Variants in STK39 observed in about 807,000 individuals in gnomAD.
The protein encoded by STK39 is serine/threonine kinase 39, also known as STE20/SPS1-related proline-alanine-rich protein kinase.
In STK39, 20 loss-of-function variants were observed where a neutral mutation model predicts 77.8. The ratio of observed to expected loss-of-function variants is 0.26; its 90% CI spans 0.18 to 0.37. STK39 has a LOEUF of 0.37. Ranked by LOEUF, STK39 falls within the 10% of genes least tolerant of loss-of-function variation. The pLI is 1.00. For synonymous variants in STK39, 246 were observed against 234.1 expected (o/e 1.05, Z -0.47); for missense variants, 479 against 656.5 (o/e 0.73, Z 2.95).
intron 5 of STK39, among the ~76,000 whole-genome samples, chr2:168,145,965 T>C (rs137876297): frequency 2.4e-3 from 360 of 152,322 alleles, no homozygotes; most frequent in African/African-American, 8.2e-3. Flanking sequence ...TAAAGGTTCT[T>C]AGCACCAGAG....
intron 8 of STK39, among the ~76,000 whole-genome samples, chr2:168,131,757 C>T (rs1260137257): frequency 6.6e-6 from 1 of 152,114 alleles, no homozygotes; most frequent in Non-Finnish European, 1.5e-5. Context: ...GTTAAATAGG[C>T]CCTAGAACTA....
Position 167,954,330 on chromosome 2 carries a change from A to G in STK39, c.*1166T>C, listed in dbSNP as rs199809684. On this transcript the variant is annotated 3_prime_UTR_variant, in exon 18 of 18. Coordinates refer to ENST00000355999, the MANE Select transcript of STK39 (RefSeq NM_013233.3). ...CAAAATCCTAAGGTTTACTAGTTCC[A>G]TAATATACAGTCAAGCAGAGGGCTA... 1.8e-4 allele frequency: 27 copies of G among 152,606 alleles called. No homozygotes were observed. Among genetic ancestry groups the G allele is most frequent in the African/African-American group, 6.5e-4 (27 of 41,436 alleles). 9.5% of individuals were successfully genotyped at this position (152,606 alleles called of 1,614,324 possible). A position where few individuals can be genotyped will look rare whatever the true frequency, so the allele number is the denominator to read the frequency against.
chr2:168,069,318 T>C lies in STK39; in HGVS notation c.1243-3937A>G, dbSNP rs1685879436. On this transcript the variant is annotated intron_variant, in intron 12 of 17. Transcript: ENST00000355999. ...ATTAGTTTTCACATTGCATCTAATCTCTAATAAAATTAACTCAATTTAAAT... is the reference window on the plus strand; with the variant it reads ...ATTAGTTTTCACATTGCATCTAATCCCTAATAAAATTAACTCAATTTAAAT... 2.0e-5 allele frequency among the ~76,000 whole-genome samples: 3 copies of C among 152,332 alleles called. No homozygotes were observed. In the South Asian group the frequency reaches 6.2e-4, roughly 32 times the overall value.
chr2:168,000,650 G>C (rs1370445724), intron 16 of STK39, among the ~76,000 whole-genome samples: 1 of 152,228 alleles, frequency 6.6e-6, no homozygotes, highest in Non-Finnish European at 1.5e-5. Flanking sequence ...AGTCAGGGCA[G>C]TGGTTGAGAA....
intron 14 of STK39, among the ~76,000 whole-genome samples, chr2:168,040,636 G>A (rs980349304): frequency 6.6e-6 from 1 of 152,092 alleles, no homozygotes; most frequent in Non-Finnish European, 1.5e-5. Flanking sequence ...AGAATTTTAA[G>A]TGAAATATAG....
intron 10 of STK39, among the ~76,000 whole-genome samples, chr2:168,101,548 G>A (rs573108110): frequency 6.6e-6 from 1 of 152,096 alleles, no homozygotes; most frequent in Non-Finnish European, 1.5e-5. Flanking sequence ...GACCAGACTG[G>A]CCAACATGGT....
At chr2:168,160,804 G>A (rs1688550533) in intron 5 of STK39, among the ~76,000 whole-genome samples, 1 of 152,010 alleles carries the variant, frequency 6.6e-6, no homozygotes, top group Admixed American at 6.6e-5. Context: ...TTTAACTGAA[G>A]TACTTTTTCA....
intron 1 of STK39, among the ~76,000 whole-genome samples, chr2:168,220,958 G>A (rs1327364209): frequency 6.6e-6 from 1 of 152,134 alleles, no homozygotes; most frequent in Non-Finnish European, 1.5e-5. Flanking sequence ...TGCTGATCTA[G>A]GAGACAGAGT....
intron 1 of STK39, among the ~76,000 whole-genome samples, chr2:168,235,902 C>T (rs1312283555): frequency 2.0e-5 from 3 of 152,008 alleles, no homozygotes; most frequent in Admixed American, 1.3e-4. Flanking sequence ...GTGAATAGTG[C>T]CACAATAAAC....
At chr2:168,246,709 C>G (rs546603770) in intron 1 of STK39, among the ~76,000 whole-genome samples, 2 of 152,290 alleles carry the variant, frequency 1.3e-5, no homozygotes, top group African/African-American at 4.8e-5. Flanking sequence ...TCCGCGGCTT[C>G]TACGTGGCCC....
At chr2:168,105,935 C>T (rs1333766340) in intron 10 of STK39, among the ~76,000 whole-genome samples, 1 of 152,222 alleles carries the variant, frequency 6.6e-6, no homozygotes, top group African/African-American at 2.4e-5. Flanking sequence ...TCCTAGTGTA[C>T]AAACCCTGAA....
At chr2:168,154,403 T>G (rs1688372620) in intron 5 of STK39, among the ~76,000 whole-genome samples, 1 of 152,240 alleles carries the variant, frequency 6.6e-6, no homozygotes, top group Admixed American at 6.5e-5. Flanking sequence ...GGGCCTAGAC[T>G]GGCTACTGTG....
chr2:167,960,677 G>C (rs1359271058), intron 17 of STK39, among the ~76,000 whole-genome samples: 1 of 152,026 alleles, frequency 6.6e-6, no homozygotes, highest in Non-Finnish European at 1.5e-5. Context: ...CCCCATGGAG[G>C]AGCTGAAGTT....
chr2:168,231,117 AAAT>A (rs1362905671), intron 1 of STK39, among the ~76,000 whole-genome samples: 2 of 152,236 alleles, frequency 1.3e-5, no homozygotes, highest in African/African-American at 2.4e-5. Flanking sequence ...AATTTACTAC[AAAT>A]AATAGTAAAC....
intron 1 of STK39, among the ~76,000 whole-genome samples, chr2:168,229,494 A>T (rs1690393933): frequency 6.6e-6 from 1 of 152,210 alleles, no homozygotes; most frequent in Admixed American, 6.6e-5. Context: ...AAGAGAGGCA[A>T]ACTCTGTAAT....
intron 17 of STK39, among the ~76,000 whole-genome samples, chr2:167,957,413 T>G (rs1322511060): frequency 1.3e-5 from 2 of 152,210 alleles, no homozygotes; most frequent in Non-Finnish European, 2.9e-5. Flanking sequence ...AGAGGGCATT[T>G]TGGCTGAGGT....
At chr2:167,984,518 C>G (rs907983636) in intron 16 of STK39, among the ~76,000 whole-genome samples, 2 of 152,134 alleles carry the variant, frequency 1.3e-5, no homozygotes, top group Non-Finnish European at 2.9e-5. Context: ...GCATCAGGGA[C>G]AGAGATGAGG....
intron 14 of STK39, among the ~76,000 whole-genome samples, chr2:168,018,241 T>C (rs1261528562): frequency 6.6e-6 from 1 of 152,156 alleles, no homozygotes; most frequent in African/African-American, 2.4e-5. Context: ...GGCTCACGCC[T>C]GTAATCCCAG....
chr2:168,152,371 A>G (rs76232165), intron 5 of STK39, among the ~76,000 whole-genome samples: 2,134 of 152,320 alleles, frequency 0.014, 48 homozygotes, highest in African/African-American at 0.049. Flanking sequence ...AACAGTACTG[A>G]GAATGTCTTT....
Sources: gnomAD v4.1 joint callset for allele counts (sites outside exome capture counted in the v4.1 genomes callset) on GRCh38, gnomAD v4.1.1 for gene constraint, MANE v1.5 for transcripts, NCBI Gene and HGNC (gene_info 2026-07-23, HGNC 2026-07-21) for gene names.